Variants in RANBP17 observed in about 807,000 individuals in gnomAD.
RANBP17 encodes the protein ran-binding protein 17.
Under a neutral mutation model 141.2 loss-of-function variants are expected in RANBP17, and 158 were observed. The ratio of observed to expected loss-of-function variants is 1.12; its 90% CI spans 0.98 to 1.28. The LOEUF (loss-of-function observed/expected upper bound fraction) is 1.28, where lower values mean the gene tolerates loss of function less well. RANBP17 is among the 50% of genes most tolerant of loss of function. The pLI is 0.00. For missense variants in RANBP17, 1,438 were observed against 1,290.7 expected, an observed-to-expected ratio of 1.11 and a Z score of -1.75; for synonymous variants, 430 against 450.0, an observed-to-expected ratio of 0.96 and a Z score of 0.56.
At chr5:170,870,827 A>G (rs1767661593) in intron 1 of RANBP17, among the ~76,000 whole-genome samples, 2 of 152,186 alleles carry the variant, frequency 1.3e-5, no homozygotes, top group Non-Finnish European at 2.9e-5. Context: ...ACTAATTTAC[A>G]TTCCCACCAA....
chr5:171,254,152 C>T (rs1469498844), intron 24 of RANBP17, among the ~76,000 whole-genome samples: 1 of 150,186 alleles, frequency 6.7e-6, no homozygotes, highest in East Asian at 2.0e-4. Flanking sequence ...GAGGCTGAGG[C>T]AGGAGAATCA....
intron 4 of RANBP17, among the ~76,000 whole-genome samples, chr5:170,894,379 G>A (rs1385261841): frequency 2.0e-5 from 3 of 151,580 alleles, no homozygotes; most frequent in Non-Finnish European, 2.9e-5. Context: ...CTTAAGTTGG[G>A]ATTCAATGTA....
Position 170,914,217 on chromosome 5 carries a change from C to G in RANBP17, c.811C>G (p.Leu271Val). 2 of 1,608,066 alleles carry G rather than the reference C, an allele frequency of 1.2e-6. No individual in the cohort carries two copies. Among genetic ancestry groups the G allele is most frequent in the Non-Finnish European group, 1.7e-6 (2 of 1,175,064 alleles). ...TCTTTTCTTCAATTTGTATCATTCACTTCCACCACTACTATCTCAGTTAGT... is the reference window on the plus strand; with the variant it reads ...TCTTTTCTTCAATTTGTATCATTCAGTTCCACCACTACTATCTCAGTTAGT... Reference protein sequence around the residue: ...LDLFFNLYHSLPPLLSQLALS... With the variant: ...LDLFFNLYHSVPPLLSQLALS... The change falls in exon 8 of 28, where the codon CTT (leucine) becomes GTT (valine). Residue 271 changes from leucine (L) to valine (V), a missense_variant. Coordinates refer to ENST00000523189, the MANE Select transcript of RANBP17 (RefSeq NM_022897.5).
chr5:171,172,531 T>C (rs1304088709), intron 16 of RANBP17, among the ~76,000 whole-genome samples: 1 of 150,640 alleles, frequency 6.6e-6, no homozygotes, highest in Non-Finnish European at 1.5e-5. Flanking sequence ...AAAAAAAAAC[T>C]CAACCCATAT....
At chr5:170,894,071 A>G (rs1031215113) in intron 4 of RANBP17, among the ~76,000 whole-genome samples, 1 of 152,194 alleles carries the variant, frequency 6.6e-6, no homozygotes, top group African/African-American at 2.4e-5. Flanking sequence ...ATATTTGATC[A>G]TTTAGAACTC....
chr5:171,014,120 T>C (rs1780268298), intron 14 of RANBP17, among the ~76,000 whole-genome samples: 1 of 152,110 alleles, frequency 6.6e-6, no homozygotes, highest in Non-Finnish European at 1.5e-5. Context: ...AAATCTACTT[T>C]GTTTGATATT....
intron 18 of RANBP17, among the ~76,000 whole-genome samples, chr5:171,194,770 A>G (rs937961622): frequency 9.2e-5 from 14 of 152,178 alleles, no homozygotes; most frequent in Non-Finnish European, 1.6e-4. Flanking sequence ...TTTTTAAGCA[A>G]CTGCCAAACT....
intron 14 of RANBP17, among the ~76,000 whole-genome samples, chr5:171,102,985 G>A (rs1448547731): frequency 6.6e-6 from 1 of 152,176 alleles, no homozygotes; most frequent in Non-Finnish European, 1.5e-5. Flanking sequence ...TCATCCCAGA[G>A]GGGTACCGGC....
chr5:170,931,541 G>A (rs1278950173), intron 12 of RANBP17, among the ~76,000 whole-genome samples: 1 of 152,168 alleles, frequency 6.6e-6, no homozygotes, highest in African/African-American at 2.4e-5. Context: ...ATGGTTTTAG[G>A]TCTAACATGT....
chr5:171,215,946 T>C (rs1310826252), intron 21 of RANBP17, among the ~76,000 whole-genome samples: 5 of 152,178 alleles, frequency 3.3e-5, no homozygotes, highest in African/African-American at 1.2e-4. Context: ...TTTGTTGCAA[T>C]TGCTTTTGGT....
At chr5:170,913,747 A>G (rs1309992353) in intron 7 of RANBP17, among the ~76,000 whole-genome samples, 4 of 135,412 alleles carry the variant, frequency 3.0e-5, no homozygotes, top group Non-Finnish European at 6.5e-5. Flanking sequence ...AAGAAATAGT[A>G]TACGCTATTA....
intron 14 of RANBP17, among the ~76,000 whole-genome samples, chr5:170,975,481 G>T (rs1177680879): frequency 6.6e-6 from 1 of 152,168 alleles, no homozygotes; most frequent in Non-Finnish European, 1.5e-5. Flanking sequence ...AGCCGAGATT[G>T]CGCCACTGCA....
chr5:171,022,242 G>T (rs1780912654), intron 14 of RANBP17, among the ~76,000 whole-genome samples: 1 of 152,210 alleles, frequency 6.6e-6, no homozygotes, highest in South Asian at 2.1e-4. Flanking sequence ...TTGGGTATCT[G>T]CCAACCCCTG....
chr5:170,884,064 C>G (rs1052115413), intron 3 of RANBP17, among the ~76,000 whole-genome samples: 2 of 152,220 alleles, frequency 1.3e-5, no homozygotes, highest in Non-Finnish European at 2.9e-5. Context: ...CTTTGCATTC[C>G]CACCAGCCAT....
intron 12 of RANBP17, among the ~76,000 whole-genome samples, chr5:170,950,339 G>A (rs182714126): frequency 2.0e-5 from 3 of 151,460 alleles, no homozygotes; most frequent in African/African-American, 7.3e-5. Context: ...ACTGACCAGG[G>A]AGGAATAGAA....
intron 14 of RANBP17, among the ~76,000 whole-genome samples, chr5:171,152,277 A>G (rs984124162): frequency 6.6e-6 from 1 of 151,632 alleles, no homozygotes; most frequent in African/African-American, 2.4e-5. Flanking sequence ...AAAATTAGCC[A>G]GGCATGGTGG....
intron 3 of RANBP17, among the ~76,000 whole-genome samples, chr5:170,884,053 A>G (rs555148354): frequency 1.3e-5 from 2 of 152,292 alleles, no homozygotes; most frequent in South Asian, 4.1e-4. Context: ...TGGCTGCACC[A>G]CTTTGCATTC....
chr5:170,919,102 A>C (rs575321435), intron 10 of RANBP17, among the ~76,000 whole-genome samples: 19 of 152,128 alleles, frequency 1.2e-4, no homozygotes, highest in Admixed American at 3.3e-4. Flanking sequence ...TGAAGAAATA[A>C]AATTTTTACA....
intron 19 of RANBP17, among the ~76,000 whole-genome samples, chr5:171,203,679 T>TA (rs1461164505): frequency 6.6e-6 from 1 of 152,142 alleles, no homozygotes; most frequent in Non-Finnish European, 1.5e-5. Flanking sequence ...AAAATTGTGA[T>TA]AAAATAAAAA....
Sources: allele counts gnomAD v4.1 joint callset (sites outside exome capture counted in the v4.1 genomes callset), GRCh38; gene constraint gnomAD v4.1.1; transcripts MANE v1.5; gene names NCBI Gene and HGNC (gene_info 2026-07-23, HGNC 2026-07-21).